Variants in TMEM35A observed in about 807,000 individuals in gnomAD.
The protein encoded by TMEM35A is transmembrane protein 35A.
For missense variants in TMEM35A, 83 were observed against 132.7 expected (o/e 0.63, Z 1.84); for synonymous variants, 50 against 54.7 (o/e 0.91, Z 0.38).
chrX:101,083,468 A>G (rs139511021), intron 1 of TMEM35A, among the ~76,000 whole-genome samples: 10 of 111,774 alleles, frequency 8.9e-5, no homozygotes, highest in African/African-American at 6.5e-5. Flanking sequence ...GCATCCCCTC[A>G]TAGTAAAGGT....
intron 1 of TMEM35A, among the ~76,000 whole-genome samples, chrX:101,086,102 T>G (rs2148109566): frequency 9.0e-6 from 1 of 111,210 alleles, no homozygotes; most frequent in South Asian, 3.8e-4. Context: ...TGCAAAAATA[T>G]GGATTTCTAA....
At chrX:101,084,802 TTGC>T (rs2148109129) in intron 1 of TMEM35A, among the ~76,000 whole-genome samples, 1 of 110,723 alleles carries the variant, frequency 9.0e-6, no homozygotes, top group Admixed American at 9.7e-5. Flanking sequence ...GAGGCAGAGG[TTGC>T]AGTGAGCCAA....
rs2089292218 is a variant in TMEM35A, at chrX:101,081,622, G to A, written c.120+2500G>A. The A allele has an allele frequency of 2.7e-5, 3 of 111,530 alleles. No homozygotes were observed. The South Asian group carries it at 1.1e-3, about 42-fold the overall frequency. 9.2% of individuals were successfully genotyped at this position (111,530 alleles called of 1,213,427 possible). A position where few individuals can be genotyped will look rare whatever the true frequency, so the allele number is the denominator to read the frequency against. Reference sequence around the variant, plus strand: ...TCAGAACCCCAACCCTAGATCAGCTGGGATGATTATCTGGGATTTTTTGTT... The same window carrying A: ...TCAGAACCCCAACCCTAGATCAGCTAGGATGATTATCTGGGATTTTTTGTT... On this transcript the variant is annotated intron_variant, in intron 1 of 1. Coordinates refer to ENST00000372930, the MANE Select transcript of TMEM35A (RefSeq NM_021637.3).
Position 101,095,308 on chromosome X carries a change from TGTGC to T in TMEM35A, c.*354_*357del, listed in dbSNP as rs752240954. 0.035 allele frequency: 3,187 copies of T among 91,703 alleles called. 32 individuals carry two copies. Among genetic ancestry groups the T allele is most frequent in the African/African-American group, 0.083 (1,438 of 17,298 alleles). 7.6% of individuals were successfully genotyped at this position (91,703 alleles called of 1,213,427 possible). ...TACTCTGTGTGTGTGTGTGTGTGTG[TGTGC>T]GCGCGCGCGCGCACGCGCACACACT... is the stretch of plus-strand genomic sequence containing the variant. On this transcript the variant is annotated 3_prime_UTR_variant, in exon 2 of 2. Transcript: ENST00000372930.
chrX:101,088,794 A>C (rs994528483), intron 1 of TMEM35A, among the ~76,000 whole-genome samples: 2 of 109,404 alleles, frequency 1.8e-5, no homozygotes, highest in African/African-American at 3.3e-5. Context: ...AAACACAGCT[A>C]CTCGGGAGGC....
At chrX:101,081,196 G>A (rs149332668) in intron 1 of TMEM35A, among the ~76,000 whole-genome samples, 98 of 112,638 alleles carry the variant, frequency 8.7e-4, no homozygotes, top group African/African-American at 3.0e-3. Context: ...GGCATCTAGA[G>A]GGAATGGAAA....
intron 1 of TMEM35A, among the ~76,000 whole-genome samples, chrX:101,087,082 G>A (rs940159035): frequency 9.4e-6 from 1 of 105,966 alleles, no homozygotes; most frequent in South Asian, 4.4e-4. Flanking sequence ...TCAGCCTCCC[G>A]AGTAGCTGGG....
Position 101,094,967 on chromosome X carries a change from G to C in TMEM35A, c.*11G>C, listed in dbSNP as rs752535559. On this transcript the variant is annotated 3_prime_UTR_variant, in exon 2 of 2. Transcript: ENST00000372930. ...GTGAAGGTGTCATAGAAAAGTGGAA[G>C]TGCAAAGAGTGGACCTTCCAGGCAG... 8.6e-7 allele frequency: 1 copy of C among 1,161,989 alleles called. No homozygotes were observed. The highest frequency in any genetic ancestry group is 1.8e-5 in the African/African-American group (1 of 56,114).
At chrX:101,086,577 C>A (rs1265558971) in intron 1 of TMEM35A, among the ~76,000 whole-genome samples, 2 of 112,227 alleles carry the variant, frequency 1.8e-5, no homozygotes, top group African/African-American at 6.5e-5. Flanking sequence ...TTTCTCCAAG[C>A]AATTTAGTGG....
intron 1 of TMEM35A, among the ~76,000 whole-genome samples, chrX:101,084,234 G>A (rs1303319733): frequency 1.9e-5 from 2 of 107,046 alleles, no homozygotes; most frequent in East Asian, 2.9e-4. Flanking sequence ...GCATTCATGT[G>A]GCAATTTGGC....
intron 1 of TMEM35A, among the ~76,000 whole-genome samples, chrX:101,086,894 T>A (rs1259278289): frequency 1.6e-4 from 18 of 110,383 alleles, no homozygotes; most frequent in African/African-American, 5.3e-4. Flanking sequence ...ACCCTTCTAT[T>A]GTTTAACTTG....
At chrX:101,084,462 T>C (rs1479155813) in intron 1 of TMEM35A, among the ~76,000 whole-genome samples, 1 of 108,774 alleles carries the variant, frequency 9.2e-6, no homozygotes, top group Non-Finnish European at 1.9e-5. Context: ...TTTTTTTTCC[T>C]TGTAAATCTT....
chrX:101,089,863 C>A (rs751431087), intron 1 of TMEM35A, among the ~76,000 whole-genome samples: 1 of 111,178 alleles, frequency 9.0e-6, no homozygotes, highest in South Asian at 3.8e-4. Flanking sequence ...TTTAAGAGTC[C>A]TCATAGGCGA....
At chrX:101,080,678 A>G (rs2089289340) in intron 1 of TMEM35A, among the ~76,000 whole-genome samples, 1 of 110,311 alleles carries the variant, frequency 9.1e-6, no homozygotes, top group Non-Finnish European at 1.9e-5. Flanking sequence ...AAATGCCATT[A>G]TATTTCTGTC....
chrX:101,087,276 G>A (rs2014595), intron 1 of TMEM35A, among the ~76,000 whole-genome samples: 47,941 of 110,867 alleles, frequency 0.43, 8,226 homozygotes, highest in Middle Eastern at 0.6. Context: ...TTTTGATGTC[G>A]CTATTCTACT....
At chrX:101,092,231 T>C (rs1278087362) in intron 1 of TMEM35A, among the ~76,000 whole-genome samples, 2 of 109,460 alleles carry the variant, frequency 1.8e-5, no homozygotes, top group East Asian at 5.7e-4. Context: ...AAAATAAACA[T>C]TGAATGAATG....
At chrX:101,086,687 T>C (rs1045757480) in intron 1 of TMEM35A, among the ~76,000 whole-genome samples, 1 of 111,943 alleles carries the variant, frequency 8.9e-6, no homozygotes, top group African/African-American at 3.2e-5. Context: ...ACTAAGCCCA[T>C]CTTTTTCCTG....
rs1283697208 is a variant in TMEM35A at position 101,094,962 on chromosome X, T to C, written c.*6T>C. 5 of 1,171,201 alleles carry C rather than the reference T, an allele frequency of 4.3e-6. No individual in the cohort carries two copies. The highest frequency in any genetic ancestry group is 2.0e-5 in the South Asian group (1 of 51,250). On this transcript the variant is annotated 3_prime_UTR_variant, in exon 2 of 2. Coordinates refer to ENST00000372930, the MANE Select transcript of TMEM35A (RefSeq NM_021637.3). ...GCAAAGTGAAGGTGTCATAGAAAAG[T>C]GGAAGTGCAAAGAGTGGACCTTCCA...
At chrX:101,091,319 T>C (rs1321501683) in intron 1 of TMEM35A, among the ~76,000 whole-genome samples, 2 of 90,118 alleles carry the variant, frequency 2.2e-5, no homozygotes, top group South Asian at 4.9e-4. Context: ...TTTTTTTTTT[T>C]CCAGACAGGG....
Sources: gnomAD v4.1 joint callset for allele counts (sites outside exome capture counted in the v4.1 genomes callset) on GRCh38, gnomAD v4.1.1 for gene constraint, MANE v1.5 for transcripts, NCBI Gene and HGNC (gene_info 2026-07-23, HGNC 2026-07-21) for gene names.